Variants in WFDC10B observed in about 807,000 individuals in gnomAD.
WFDC10B encodes the protein WAP four-disulfide core domain 10B, also known as protein WFDC10B.
Under a neutral mutation model 2.7 loss-of-function variants are expected in WFDC10B, and 1 was observed. The ratio of observed to expected loss-of-function variants is 0.38; its 90% CI spans 0.13 to 1.79. The LOEUF is 1.79. WFDC10B is among the 40% of genes most tolerant of loss of function. WFDC10B has a pLI of 0.33. For synonymous variants in WFDC10B, 26 were observed against 32.2 expected (o/e 0.81, Z 0.65); for missense variants, 71 against 87.8 (o/e 0.81, Z 0.76).
intron 1 of WFDC10B, 70 bp from the exon 2 acceptor site, chr20:45,704,631 C>T: frequency 6.2e-7 from 1 of 1,607,762 alleles, no homozygotes; most frequent in Non-Finnish European, 8.5e-7. Flanking sequence ...GATCCTAGAG[C>T]TGCTGGTGGG....
intron 1 of WFDC10B, 44 bp from the exon 2 acceptor site, chr20:45,704,605 T>G (rs756040197): frequency 3.1e-6 from 5 of 1,613,484 alleles, no homozygotes; most frequent in Non-Finnish European, 1.7e-6. Context: ...GTAAGAGATA[T>G]CTCATATCCA....
chr20:45,685,012 C>G (rs755765138), intron 3 of WFDC10B, 52 bp from the exon 4 acceptor site: 21 of 1,606,480 alleles, frequency 1.3e-5, no homozygotes, highest in Admixed American at 1.7e-5. Flanking sequence ...ATAGAGCAGC[C>G]TTCTCAAGCT....
At chr20:45,696,398 A>G (rs1265480580) in intron 2 of WFDC10B, among the ~76,000 whole-genome samples, 3 of 151,962 alleles carry the variant, frequency 2.0e-5, no homozygotes, top group Admixed American at 2.0e-4. Flanking sequence ...GGAAATAATA[A>G]ACATGTGAGC....
In WFDC10B at chr20:45,686,055, G is replaced by A. The variant is rs766332271; in HGVS notation, c.-63C>T. 1.3e-4 allele frequency: 199 copies of A among 1,580,592 alleles called. No individual in the cohort carries two copies. The highest frequency in any genetic ancestry group is 1.6e-4 in the Non-Finnish European group (190 of 1,162,094). On this transcript the variant is annotated splice_region_variant and 5_prime_UTR_variant, in exon 3 of 4. Coordinates refer to ENST00000330523, the MANE Select transcript of WFDC10B (RefSeq NM_172006.2). ...CAGTCACAGACTTCCCTGCAGAGCT[G>A]CCTGTGGAGAGGGAAGGAAATAAAG...
At chr20:45,684,993 C>T (rs1176056958) in intron 3 of WFDC10B, 33 bp from the exon 4 acceptor site, 1 of 1,612,532 alleles carries the variant, frequency 6.2e-7, no homozygotes, top group Non-Finnish European at 8.5e-7. Context: ...TCAATGAAAC[C>T]ATGCACCTAT....
At chr20:45,697,747 T>C (rs1205394015) in intron 2 of WFDC10B, among the ~76,000 whole-genome samples, 2 of 146,848 alleles carry the variant, frequency 1.4e-5, no homozygotes, top group African/African-American at 2.5e-5. Context: ...TTTTTCTTTT[T>C]TTTTTTTTTT....
At chr20:45,697,908 T>C in intron 2 of WFDC10B, among the ~76,000 whole-genome samples, 1 of 151,772 alleles carries the variant, frequency 6.6e-6, no homozygotes, top group South Asian at 2.1e-4. Flanking sequence ...CACTCCTGGC[T>C]AATTTTTATA....
chr20:45,688,907 T>C (rs1983716785), intron 2 of WFDC10B, among the ~76,000 whole-genome samples: 1 of 151,982 alleles, frequency 6.6e-6, no homozygotes, highest in Non-Finnish European at 1.5e-5. Flanking sequence ...AGACATGAAG[T>C]CCTTGCCCAT....
chr20:45,689,008 A>G (rs201830957), intron 2 of WFDC10B, among the ~76,000 whole-genome samples: 24,990 of 146,132 alleles, frequency 0.17, 2,105 homozygotes, highest in East Asian at 0.3. Flanking sequence ...ATCTTGAATT[A>G]ATTTTTGTAT....
chr20:45,688,400 T>C (rs541424008), intron 2 of WFDC10B, among the ~76,000 whole-genome samples: 30 of 152,334 alleles, frequency 2.0e-4, no homozygotes, highest in African/African-American at 7.2e-4. Context: ...AGTAATGGGA[T>C]GGCTGGGTCA....
chr20:45,685,104 C>A, intron 3 of WFDC10B, 144 bp from the exon 4 acceptor site: 1 of 1,012,380 alleles, frequency 9.9e-7, no homozygotes, highest in Non-Finnish European at 1.4e-6. Context: ...TCCTTCCAGC[C>A]CATCACCAAT....
intron 2 of WFDC10B, among the ~76,000 whole-genome samples, chr20:45,694,122 G>A (rs892840385): frequency 6.6e-6 from 1 of 152,066 alleles, no homozygotes; most frequent in Non-Finnish European, 1.5e-5. Context: ...CTGTACAGAA[G>A]CTCTTTAGTT....
intron 2 of WFDC10B, among the ~76,000 whole-genome samples, chr20:45,698,987 G>A (rs1157222425): frequency 6.9e-6 from 1 of 145,592 alleles, no homozygotes; most frequent in Non-Finnish European, 1.5e-5. Context: ...AAAAGAAGAA[G>A]GAGGAGAAGG....
In WFDC10B at chr20:45,684,756, T is replaced by A; in HGVS notation, c.*74A>T. On this transcript the variant is annotated 3_prime_UTR_variant, in exon 4 of 4. Coordinates refer to ENST00000330523, the MANE Select transcript of WFDC10B (RefSeq NM_172006.2). The stretch of plus-strand genomic sequence containing the variant: ...TTGTGCTGATGATTTGATGTCCTTG[T>A]GCTTCGGATGTGGGCACAGTCTCGG... 4 of 1,569,470 alleles carry A rather than the reference T, an allele frequency of 2.5e-6. No homozygotes were observed. Among genetic ancestry groups the A allele is most frequent in the Non-Finnish European group, 3.5e-6 (4 of 1,154,582 alleles).
At chr20:45,691,325 T>A (rs1214813778) in intron 2 of WFDC10B, among the ~76,000 whole-genome samples, 1 of 151,930 alleles carries the variant, frequency 6.6e-6, no homozygotes, top group Non-Finnish European at 1.5e-5. Flanking sequence ...TGATTTGGGG[T>A]GGAGAGTTCT....
chr20:45,694,441 T>A (rs1983920639), intron 2 of WFDC10B, among the ~76,000 whole-genome samples: 1 of 152,082 alleles, frequency 6.6e-6, no homozygotes, highest in Non-Finnish European at 1.5e-5. Flanking sequence ...ACAAAAAACA[T>A]GATTATATAT....
intron 2 of WFDC10B, chr20:45,702,170 C>G: frequency 6.2e-7 from 1 of 1,613,398 alleles, no homozygotes; most frequent in Admixed American, 1.7e-5. Context: ...TTCTGCCTAG[C>G]ACTGCAGCTG....
rs571939815 is a variant in WFDC10B at position 45,697,007 on chromosome 20, T to C, written c.-65+7490A>G. 2.6e-5 allele frequency among the ~76,000 whole-genome samples: 4 copies of C among 152,280 alleles called. No individual in the cohort carries two copies. In the South Asian group the frequency reaches 8.3e-4, roughly 32 times the overall value. On this transcript the variant is annotated intron_variant, in intron 2 of 3. Transcript: ENST00000330523. ...GGTACCTATAAAAAACTATATACAA[T>C]GATCATTATACTCAATTGCAAAAGA...
intron 2 of WFDC10B, among the ~76,000 whole-genome samples, chr20:45,690,809 G>A (rs1983789112): frequency 6.6e-6 from 1 of 151,862 alleles, no homozygotes; most frequent in African/African-American, 2.4e-5. Flanking sequence ...TTAAATTTTT[G>A]AAGGGTTTTT....
Sources: allele counts gnomAD v4.1 joint callset (sites outside exome capture counted in the v4.1 genomes callset), GRCh38; gene constraint gnomAD v4.1.1; transcripts MANE v1.5; gene names NCBI Gene and HGNC (gene_info 2026-07-23, HGNC 2026-07-21).